FNDC1: variants seen among roughly 807,000 people sequenced by gnomAD.
FNDC1 encodes fibronectin type III domain-containing protein 1.
A neutral mutation model predicts 168.0 loss-of-function variants in FNDC1; 96 were observed. The ratio of observed to expected loss-of-function variants is 0.57; its 90% CI spans 0.48 to 0.68. The LOEUF is 0.68. Among genes scored for constraint, FNDC1 ranks in the 30% least tolerant of loss-of-function variants. The pLI, the probability that FNDC1 is intolerant of heterozygous loss-of-function variation, is 0.00. For synonymous variants in FNDC1, 1,099 were observed against 1,025.9 expected (o/e 1.07, Z -1.36); for missense variants, 2,587 against 2,482.1 (o/e 1.04, Z -0.90).
At chr6:159,244,798 T>C (rs1004088679) in intron 14 of FNDC1, among the ~76,000 whole-genome samples, 1 of 152,234 alleles carries the variant, frequency 6.6e-6, no homozygotes, top group Non-Finnish European at 1.5e-5. Context: ...ATTCTCTTTT[T>C]GCTGTCTTTT....
At chr6:159,190,262 G>T (rs538107294) in intron 1 of FNDC1, among the ~76,000 whole-genome samples, 19 of 152,326 alleles carry the variant, frequency 1.2e-4, no homozygotes, top group African/African-American at 3.6e-4. Flanking sequence ...GAACTGTGGT[G>T]CCATAGAGCA....
intron 12 of FNDC1, among the ~76,000 whole-genome samples, chr6:159,237,058 G>A (rs1205135441): frequency 6.6e-6 from 1 of 152,100 alleles, no homozygotes; most frequent in African/African-American, 2.4e-5. Context: ...TGTACTAAAA[G>A]ACTATGACAT....
At chr6:159,196,126 A>G (rs1782236515) in intron 1 of FNDC1, among the ~76,000 whole-genome samples, 2 of 152,142 alleles carry the variant, frequency 1.3e-5, no homozygotes, top group Non-Finnish European at 2.9e-5. Flanking sequence ...AGTCTTCCCA[A>G]CTCAAAATTT....
chr6:159,194,226 G>A (rs1782196391), intron 1 of FNDC1, among the ~76,000 whole-genome samples: 1 of 152,176 alleles, frequency 6.6e-6, no homozygotes, highest in Non-Finnish European at 1.5e-5. Context: ...CTGTGAATAT[G>A]AAAAAGCGTC....
Position 159,239,799 on chromosome 6 carries a change from C to T in FNDC1, c.4463C>T (p.Thr1488Ile), listed in dbSNP as rs1330428916. 8 of 1,546,308 alleles carry T rather than the reference C, an allele frequency of 5.2e-6. No homozygotes were observed. The highest frequency in any genetic ancestry group is 7.0e-6 in the Non-Finnish European group (8 of 1,143,214). ...TTRRTTTRRP[T>I]TTVRTTTRTT... ...CGCCGCACGACCACCAGGCGTCCAA[C>T]AACCACAGTCCGAACCACTACGCGG... The change falls in exon 14 of 23, where the codon ACA becomes ATA. Residue 1488 changes from threonine to isoleucine, a missense_variant. Physicochemically the swap from Thr to Ile is moderately conservative, Grantham distance 89. Transcript: ENST00000297267.
chr6:159,224,767 C>T (rs763993640), intron 7 of FNDC1, among the ~76,000 whole-genome samples: 10 of 152,162 alleles, frequency 6.6e-5, no homozygotes, highest in African/African-American at 9.7e-5. Flanking sequence ...TTCAGTATAA[C>T]AAATAGCACA....
chr6:159,251,056 G>A (rs1291357089), intron 16 of FNDC1, among the ~76,000 whole-genome samples: 1 of 152,102 alleles, frequency 6.6e-6, no homozygotes, highest in Non-Finnish European at 1.5e-5. Context: ...ACCACTTTGC[G>A]GGCATAGTCA....
At chr6:159,257,175 G>A (rs770789849) in intron 18 of FNDC1, among the ~76,000 whole-genome samples, 2 of 152,194 alleles carry the variant, frequency 1.3e-5, no homozygotes, top group Admixed American at 1.3e-4. Context: ...AGGCAAAACT[G>A]GTTCCCAGGA....
Position 159,221,659 on chromosome 6 carries a change from A to T in FNDC1, c.729A>T (p.Pro243=). The T allele has an allele frequency of 6.2e-7, 1 of 1,614,058 alleles. No homozygotes were observed. Residue 243 remains proline (P), a synonymous_variant, in exon 6 of 23, where the codon CCA becomes CCT. Transcript: ENST00000297267. ...TGAACTCTCAGGGCCGGAGCCAACC[A>T]GTCTACAGGGCTGCCCTAACAAAGC... ...QSMNSQGRSQ[P]VYRAALTKRK...
At position 159,233,505 on chromosome 6, in the gene FNDC1, C is replaced by G; in HGVS notation, c.2993C>G (p.Pro998Arg). ...CCCAGTGTTCCCAGAAGGATGACAC[C>G]CGGCCGGGCCCCACAACAGCAGCCC... Reference protein sequence around the residue: ...QHPSVPRRMTPGRAPQQQPPP... With the variant: ...QHPSVPRRMTRGRAPQQQPPP... The change falls in exon 11 of 23, where the codon CCC becomes CGC. Residue 998 changes from proline to arginine, a missense_variant. Transcript: ENST00000297267. This position sits in a 1 kb window ranked among gnomAD's most constrained non-coding sequence, Gnocchi z 4.6. 2 of 1,602,842 alleles carry G rather than the reference C, an allele frequency of 1.2e-6. No individual in the cohort carries two copies. The highest frequency in any genetic ancestry group is 1.7e-6 in the Non-Finnish European group (2 of 1,177,896).
intron 14 of FNDC1, among the ~76,000 whole-genome samples, chr6:159,246,377 G>T (rs1003253332): frequency 1.3e-5 from 2 of 152,204 alleles, no homozygotes; most frequent in African/African-American, 2.4e-5. Context: ...CCCTCTTCTA[G>T]AATATTCCAG....
Position 159,211,962 on chromosome 6 carries a change from C to T in FNDC1, c.461-2983C>T, listed in dbSNP as rs9457566. ...ATCATATTGAATTTTAGATTATTTT[C>T]TTTGTAAAAAGAAGAGATTTTGATT... On this transcript the variant is annotated intron_variant, in intron 4 of 22. Transcript: ENST00000297267. 2.0e-3 allele frequency among the ~76,000 whole-genome samples: 307 copies of T among 152,284 alleles called. 2 individuals are homozygous for T. Among genetic ancestry groups the T allele is most frequent in the African/African-American group, 7.1e-3 (294 of 41,552 alleles).
intron 6 of FNDC1, among the ~76,000 whole-genome samples, chr6:159,222,700 T>C (rs1270525935): frequency 6.6e-6 from 1 of 152,236 alleles, no homozygotes; most frequent in Non-Finnish European, 1.5e-5. Context: ...TAATCTGTCT[T>C]GGACTCACAC....
chr6:159,188,452 G>A (rs1376614505), intron 1 of FNDC1, among the ~76,000 whole-genome samples: 2 of 146,864 alleles, frequency 1.4e-5, no homozygotes, highest in African/African-American at 4.9e-5. Context: ...TTGGCTTACT[G>A]CAAGCTCCGC....
At chr6:159,270,998 C>T (rs968016473) in intron 22 of FNDC1, among the ~76,000 whole-genome samples, 2 of 152,192 alleles carry the variant, frequency 1.3e-5, no homozygotes, top group Non-Finnish European at 2.9e-5. Flanking sequence ...ATACTTTACA[C>T]TTAGTCACTG....
Position 159,173,201 on chromosome 6 carries a change from G to C in FNDC1, c.109+3496G>C, listed in dbSNP as rs1434060232. On this transcript the variant is annotated intron_variant, in intron 1 of 22. Transcript: ENST00000297267. ...TTGAGACACACTGGTATATACGGAG[G>C]GAAGTAGGTTAAAAATCAGGATGCC... is the stretch of plus-strand genomic sequence containing the variant. Among the ~76,000 whole-genome samples, 3 of 152,316 alleles carry C rather than the reference G, an allele frequency of 2.0e-5. No individual in the cohort carries two copies. In the East Asian group the frequency reaches 5.8e-4, roughly 29 times the overall value.
chr6:159,220,935 A>C (rs1389768056), intron 5 of FNDC1, among the ~76,000 whole-genome samples: 1 of 152,154 alleles, frequency 6.6e-6, no homozygotes, highest in Non-Finnish European at 1.5e-5. Context: ...CCAGCTGTTC[A>C]ATTTTCAAGT....
At chr6:159,219,576 C>T (rs569612358) in intron 5 of FNDC1, among the ~76,000 whole-genome samples, 4 of 152,236 alleles carry the variant, frequency 2.6e-5, no homozygotes, top group African/African-American at 9.6e-5. Flanking sequence ...AGCTTCTGCG[C>T]GGGGCTTTGT....
Position 159,197,294 on chromosome 6 carries a change from T to C in FNDC1, c.110-137T>C, listed in dbSNP as rs142178394. The C allele has an allele frequency of 8.8e-6, 7 of 798,594 alleles. No individual in the cohort carries two copies. In the African/African-American group the frequency reaches 1.2e-4, roughly 14 times the overall value. The allele number at this position is 798,594 out of a possible 1,614,324, so 49.5% of individuals were successfully genotyped here. A position where few individuals can be genotyped will look rare whatever the true frequency, so the allele number is the denominator to read the frequency against. The stretch of plus-strand genomic sequence containing the variant: ...CACACTGTAATGCTGTGCAAATACA[T>C]GACTATCCTTAAAGTCTTTCGGATC... On this transcript the variant is annotated intron_variant, in intron 1 of 22. Coordinates refer to ENST00000297267, the MANE Select transcript of FNDC1 (RefSeq NM_032532.3).
Sources: allele counts gnomAD v4.1 joint callset (sites outside exome capture counted in the v4.1 genomes callset), GRCh38; gene constraint gnomAD v4.1.1; non-coding constraint Gnocchi (gnomAD v3.1); transcripts MANE v1.5; gene names NCBI Gene and HGNC (gene_info 2026-07-23, HGNC 2026-07-21).